Variants in CTNND2 observed in about 807,000 individuals in gnomAD.
CTNND2 encodes the protein catenin delta 2, also known as catenin delta-2.
In CTNND2, 22 loss-of-function variants were observed where a neutral mutation model predicts 144.4. The ratio of observed to expected loss-of-function variants is 0.15; its 90% CI spans 0.11 to 0.22. The LOEUF is 0.22. CTNND2 is among the 10% of genes least tolerant of loss of function. The pLI, the probability that CTNND2 is intolerant of heterozygous loss-of-function variation, is 1.00. For synonymous variants in CTNND2, 751 were observed against 695.6 expected (o/e 1.08, Z -1.25); for missense variants, 1,353 against 1,618.8 (o/e 0.84, Z 2.82).
chr5:11,266,849 G>A (rs1043272148), intron 9 of CTNND2, among the ~76,000 whole-genome samples: 5 of 152,066 alleles, frequency 3.3e-5, no homozygotes, highest in South Asian at 2.1e-4. Flanking sequence ...TCCTACTCTC[G>A]AACTGCCACA....
intron 1 of CTNND2, among the ~76,000 whole-genome samples, chr5:11,854,694 T>C (rs116823671): frequency 2.5e-4 from 38 of 152,302 alleles, no homozygotes; most frequent in Non-Finnish European, 5.3e-4. Flanking sequence ...TTAACACAAG[T>C]ATCGAACGTA....
rs61761654 is a variant in CTNND2 at position 11,809,186 on chromosome 5, C to T, written c.38-76914G>A. 4.1e-3 allele frequency among the ~76,000 whole-genome samples: 621 copies of T among 152,190 alleles called. 1 individual carries two copies. The highest frequency in any genetic ancestry group is 6.5e-3 in the Non-Finnish European group (440 of 68,012). The stretch of plus-strand genomic sequence containing the variant: ...ACTATTACTACCTTATTTTAAGATT[C>T]TTTGGAGAACTGAATATCAGATTCT... On this transcript the variant is annotated intron_variant, in intron 1 of 21. Coordinates refer to ENST00000304623, the MANE Select transcript of CTNND2 (RefSeq NM_001332.4).
At chr5:11,160,575 T>C (rs903410738) in intron 11 of CTNND2, among the ~76,000 whole-genome samples, 4 of 152,250 alleles carry the variant, frequency 2.6e-5, no homozygotes, top group Non-Finnish European at 5.9e-5. Context: ...AAATAATTAT[T>C]CTTTTTTTGT....
At chr5:11,328,314 A>G (rs1752741737) in intron 9 of CTNND2, among the ~76,000 whole-genome samples, 1 of 148,244 alleles carries the variant, frequency 6.7e-6, no homozygotes, top group Admixed American at 6.7e-5. Context: ...TTTCCTCAAG[A>G]CAGTATCTCA....
chr5:11,877,457 T>G (rs1402584669), intron 1 of CTNND2, among the ~76,000 whole-genome samples: 1 of 152,156 alleles, frequency 6.6e-6, no homozygotes, highest in African/African-American at 2.4e-5. Flanking sequence ...AAGAGTAAAC[T>G]TCTTAGAATC....
intron 10 of CTNND2, among the ~76,000 whole-genome samples, chr5:11,231,917 G>C (rs1741067473): frequency 6.6e-6 from 1 of 152,240 alleles, no homozygotes; most frequent in South Asian, 2.1e-4. Context: ...TGCAGCCTCA[G>C]GACATGGTGC....
At chr5:11,008,708 A>G (rs1740747236) in intron 18 of CTNND2, among the ~76,000 whole-genome samples, 1 of 152,228 alleles carries the variant, frequency 6.6e-6, no homozygotes. Flanking sequence ...AGGGTTCTGC[A>G]GTATTAGCAT....
At chr5:11,154,538 CA>C (rs1427863554) in intron 12 of CTNND2, among the ~76,000 whole-genome samples, 1 of 152,180 alleles carries the variant, frequency 6.6e-6, no homozygotes, top group Non-Finnish European at 1.5e-5. Context: ...GGACAGGCAG[CA>C]TCTCTGAGTT....
chr5:11,703,146 C>A (rs1198763997), intron 2 of CTNND2, among the ~76,000 whole-genome samples: 1 of 152,036 alleles, frequency 6.6e-6, no homozygotes, highest in African/African-American at 2.4e-5. Context: ...TAAGAGCTAC[C>A]CAACTGAAGT....
chr5:11,110,279 C>A (rs574873058), intron 14 of CTNND2, among the ~76,000 whole-genome samples: 1 of 152,322 alleles, frequency 6.6e-6, no homozygotes, highest in East Asian at 1.9e-4. Flanking sequence ...AAGAGGCCTC[C>A]AGCTCCAGCT....
chr5:11,788,157 C>A (rs1561796899), intron 1 of CTNND2, among the ~76,000 whole-genome samples: 1 of 152,052 alleles, frequency 6.6e-6, no homozygotes, highest in Non-Finnish European at 1.5e-5. Context: ...CTTAAAATAA[C>A]CTTGGTTAAA....
At chr5:11,729,039 T>C (rs1439756018) in intron 2 of CTNND2, among the ~76,000 whole-genome samples, 2 of 152,128 alleles carry the variant, frequency 1.3e-5, no homozygotes, top group Admixed American at 6.6e-5. Context: ...AAAAAGCTCA[T>C]GGAATCTGCT....
intron 12 of CTNND2, among the ~76,000 whole-genome samples, chr5:11,124,541 T>A (rs1404561502): frequency 6.6e-6 from 1 of 152,234 alleles, no homozygotes; most frequent in African/African-American, 2.4e-5. Context: ...AAACTCTCTG[T>A]AAAGGATCAG....
intron 3 of CTNND2, among the ~76,000 whole-genome samples, chr5:11,536,229 ATTTT>A: frequency 6.6e-6 from 1 of 151,896 alleles, no homozygotes; most frequent in Middle Eastern, 3.4e-3. Flanking sequence ...CATTCAGCTG[ATTTT>A]TTTATTTTTT....
At chr5:11,627,000 A>C (rs1781189630) in intron 2 of CTNND2, among the ~76,000 whole-genome samples, 1 of 152,092 alleles carries the variant, frequency 6.6e-6, no homozygotes, top group Non-Finnish European at 1.5e-5. Flanking sequence ...CAGGTAGAGG[A>C]TAGATGATGA....
At chr5:11,264,707 T>C (rs1330169406) in intron 9 of CTNND2, among the ~76,000 whole-genome samples, 2 of 152,104 alleles carry the variant, frequency 1.3e-5, no homozygotes, top group Non-Finnish European at 2.9e-5. Context: ...AGGCAGGCGG[T>C]TGGCCTGAGC....
intron 2 of CTNND2, among the ~76,000 whole-genome samples, chr5:11,701,433 G>C (rs1785428042): frequency 6.6e-6 from 1 of 152,136 alleles, no homozygotes; most frequent in Non-Finnish European, 1.5e-5. Context: ...TTAATCAATA[G>C]ACATCTTTGA....
intron 2 of CTNND2, among the ~76,000 whole-genome samples, chr5:11,648,844 AG>A (rs1259480729): frequency 6.6e-6 from 1 of 152,156 alleles, no homozygotes; most frequent in African/African-American, 2.4e-5. Flanking sequence ...GTACTGATAG[AG>A]AGAAGATCTT....
At chr5:11,718,930 C>T (rs1356371546) in intron 2 of CTNND2, among the ~76,000 whole-genome samples, 1 of 152,168 alleles carries the variant, frequency 6.6e-6, no homozygotes, top group African/African-American at 2.4e-5. Context: ...GTCTTTACTG[C>T]TTAATTGTCT....
Sources: gnomAD v4.1 joint callset for allele counts (sites outside exome capture counted in the v4.1 genomes callset) on GRCh38, gnomAD v4.1.1 for gene constraint, MANE v1.5 for transcripts, NCBI Gene and HGNC (gene_info 2026-07-23, HGNC 2026-07-21) for gene names.